Variants in FBP1 observed in about 807,000 individuals in gnomAD.
FBP1 encodes the protein fructose-1,6-bisphosphatase 1.
Under a neutral mutation model 29.9 loss-of-function variants are expected in FBP1, and 22 were observed. The ratio of observed to expected loss-of-function variants is 0.74; its 90% CI spans 0.53 to 1.05. FBP1 has a LOEUF of 1.05. Ranked by LOEUF, FBP1 falls within the 50% of genes least tolerant of loss-of-function variation. The pLI is 0.00. For missense variants in FBP1, 345 were observed against 448.2 expected (o/e 0.77, Z 2.08); for synonymous variants, 175 against 178.6 (o/e 0.98, Z 0.16).
intron 1 of FBP1, among the ~76,000 whole-genome samples, chr9:94,628,572 G>A (rs900170220): frequency 2.6e-5 from 4 of 152,082 alleles, no homozygotes; most frequent in African/African-American, 7.2e-5. Context: ...ACCACTGGCC[G>A]CTACTGTTGG....
At chr9:94,633,150 G>C (rs28402399) in intron 1 of FBP1, among the ~76,000 whole-genome samples, 1 of 152,280 alleles carries the variant, frequency 6.6e-6, no homozygotes, top group East Asian at 1.9e-4. Context: ...CATGGGCTCT[G>C]CATTCAATTG....
chr9:94,616,917 CCTCTCTCTCTCTCTCTTTCTCT>C (rs1827872389), intron 3 of FBP1, among the ~76,000 whole-genome samples: 1 of 149,260 alleles, frequency 6.7e-6, no homozygotes, highest in Non-Finnish European at 1.5e-5. Context: ...TCCTCTCTCT[CCTCTCTCTCTCTCTCTTTCTCT>C]CTCTCTCTCT....
intron 4 of FBP1, 22 bp from the exon 5 acceptor site, chr9:94,606,974 G>A (rs764029342): frequency 3.4e-5 from 55 of 1,614,056 alleles, no homozygotes; most frequent in Non-Finnish European, 4.7e-5. Context: ...AGGAAGGAAA[G>A]GTGGAGAGAT....
intron 1 of FBP1, among the ~76,000 whole-genome samples, chr9:94,630,806 C>T (rs1177848039): frequency 6.6e-6 from 1 of 151,054 alleles, no homozygotes; most frequent in Non-Finnish European, 1.5e-5. Context: ...TCAAGTTGTG[C>T]AAAGCCCCTG....
rs1401737759 is a variant in FBP1, at chr9:94,613,053, A to G, written c.427-2992T>C. The stretch of plus-strand genomic sequence containing the variant: ...ATCACATATTATTCCATGTCATCAC[A>G]TAAGGAGAAGTAGGCACAGAAACGG... On this transcript the variant is annotated intron_variant, in intron 3 of 6. Transcript: ENST00000375326. Among the ~76,000 whole-genome samples the G allele has an allele frequency of 2.6e-5, 4 of 152,204 alleles. 1 individual carries two copies. Among genetic ancestry groups the G allele is most frequent in the Non-Finnish European group, 5.9e-5 (4 of 68,042 alleles).
chr9:94,639,638 C>T (rs1828256023), upstream of FBP1: 2 of 459,414 alleles, frequency 4.4e-6, no homozygotes, highest in Non-Finnish European at 8.0e-6. Context: ...CTGCTTGGAT[C>T]TTCAGACAAG....
At chr9:94,625,262 C>T (rs1828005355) in intron 1 of FBP1, among the ~76,000 whole-genome samples, 1 of 152,060 alleles carries the variant, frequency 6.6e-6, no homozygotes, top group Non-Finnish European at 1.5e-5. Context: ...CAGATGGCTC[C>T]TACCCTTGGC....
chr9:94,638,441 T>C (rs1828228117), intron 1 of FBP1, among the ~76,000 whole-genome samples: 1 of 152,158 alleles, frequency 6.6e-6, no homozygotes. Flanking sequence ...TTTCCACTAA[T>C]TGGGCAGAGG....
chr9:94,615,629 T>C (rs912845912), intron 3 of FBP1, among the ~76,000 whole-genome samples: 7 of 152,200 alleles, frequency 4.6e-5, no homozygotes, highest in Admixed American at 1.3e-4. Context: ...CTTTCTAGTA[T>C]GAGAATTTGA....
At chr9:94,639,878 A>T (rs1828260464), upstream of FBP1, among the ~76,000 whole-genome samples, 1 of 152,126 alleles carries the variant, frequency 6.6e-6, no homozygotes, top group African/African-American at 2.4e-5. Flanking sequence ...GCCACCAGCT[A>T]GGCAGCGAAA....
chr9:94,633,597 C>T (rs897708913), intron 1 of FBP1, among the ~76,000 whole-genome samples: 1 of 152,242 alleles, frequency 6.6e-6, no homozygotes, highest in African/African-American at 2.4e-5. Context: ...TGACCTCCAG[C>T]CTGAACTGCG....
intron 3 of FBP1, among the ~76,000 whole-genome samples, chr9:94,612,597 G>A (rs922926398): frequency 5.6e-5 from 7 of 125,400 alleles, no homozygotes; most frequent in Non-Finnish European, 7.8e-5. Context: ...TTGCTCTATC[G>A]CCAGGCTGGA....
chr9:94,614,109 GAAGGAAGAA>G (rs1349233036), intron 3 of FBP1, among the ~76,000 whole-genome samples: 1 of 141,788 alleles, frequency 7.1e-6, no homozygotes, highest in Non-Finnish European at 1.5e-5. Flanking sequence ...GAAAAAGGAA[GAAGGAAGAA>G]AAGGAAGAAG....
intron 1 of FBP1, among the ~76,000 whole-genome samples, chr9:94,637,419 A>C (rs1409692822): frequency 6.7e-6 from 1 of 148,296 alleles, no homozygotes; most frequent in African/African-American, 2.5e-5. Flanking sequence ...TTTTTTTAAG[A>C]CAAAGTCACG....
chr9:94,622,690 T>C (rs1268733302), intron 1 of FBP1, among the ~76,000 whole-genome samples: 1 of 152,134 alleles, frequency 6.6e-6, no homozygotes, highest in African/African-American at 2.4e-5. Context: ...CTGCTTCTCT[T>C]TTCACCCATC....
upstream of FBP1, among the ~76,000 whole-genome samples, chr9:94,639,858 C>T (rs1828260220): frequency 6.6e-6 from 1 of 152,122 alleles, no homozygotes; most frequent in Admixed American, 6.5e-5. Flanking sequence ...GGTTAAGTAA[C>T]TTGCTCAATG....
At chr9:94,634,374 A>G (rs1228040738) in intron 1 of FBP1, among the ~76,000 whole-genome samples, 3 of 151,714 alleles carry the variant, frequency 2.0e-5, no homozygotes, top group Admixed American at 6.6e-5. Flanking sequence ...ATTTTTTCCT[A>G]CAGAGTAAAC....
At chr9:94,609,199 A>G (rs1010493363) in intron 4 of FBP1, among the ~76,000 whole-genome samples, 8 of 150,394 alleles carry the variant, frequency 5.3e-5, no homozygotes, top group African/African-American at 1.8e-4. Context: ...AGAAAAAAAA[A>G]AAAAAAAGAA....
In FBP1 at chr9:94,639,435, T is replaced by G; in HGVS notation, c.-125A>C. On this transcript the variant is annotated 5_prime_UTR_variant, in exon 1 of 7. Transcript: ENST00000375326. ...CGGAGCTGCAGGTGCGGGCGGCAGGTGCGGGCCGCGGGACCTGGCGGGAGG... is the reference window on the plus strand; with the variant it reads ...CGGAGCTGCAGGTGCGGGCGGCAGGGGCGGGCCGCGGGACCTGGCGGGAGG... 2.6e-6 allele frequency: 3 copies of G among 1,158,004 alleles called. No individual in the cohort carries two copies. The highest frequency in any genetic ancestry group is 3.8e-6 in the Non-Finnish European group (3 of 798,348). The allele number at this position is 1,158,004 out of a possible 1,614,324, so 71.7% of individuals were successfully genotyped here. A position where few individuals can be genotyped will look rare whatever the true frequency, so the allele number is the denominator to read the frequency against.
Sources: allele counts gnomAD v4.1 joint callset (sites outside exome capture counted in the v4.1 genomes callset), GRCh38; gene constraint gnomAD v4.1.1; transcripts MANE v1.5; gene names NCBI Gene and HGNC (gene_info 2026-07-23, HGNC 2026-07-21).